The following ANKRD30BL variants were observed in gnomAD, a reference collection of about 807,000 sequenced individuals.
ANKRD30BL encodes the protein putative ankyrin repeat domain-containing protein 30B-like.
A neutral mutation model predicts 18.4 loss-of-function variants in ANKRD30BL; 20 were observed. The observed-to-expected ratio is 1.09, with a 90% CI of 0.77 to 1.58. The LOEUF (loss-of-function observed/expected upper bound fraction) is 1.58. Ranked by LOEUF, ANKRD30BL falls within the 40% of genes most tolerant of loss-of-function variation. The pLI is 0.00. For synonymous variants in ANKRD30BL, 72 were observed against 100.9 expected (o/e 0.71, Z 1.72); for missense variants, 224 against 268.6 (o/e 0.83, Z 1.16).
intron 1 of ANKRD30BL, among the ~76,000 whole-genome samples, chr2:132,203,793 T>A (rs1679156333): frequency 6.6e-6 from 1 of 152,132 alleles, no homozygotes; most frequent in Non-Finnish European, 1.5e-5. Flanking sequence ...ATAATTAATA[T>A]GTAATTTACC....
intron 1 of ANKRD30BL, among the ~76,000 whole-genome samples, chr2:132,219,909 G>T (rs1393133812): frequency 4.0e-5 from 6 of 151,654 alleles, no homozygotes; most frequent in African/African-American, 9.7e-5. Flanking sequence ...CCTTTCTTTT[G>T]ATAGAGAAGG....
chr2:132,147,750 A>G lies in ANKRD30BL; in HGVS notation c.*381T>C, dbSNP rs1239684786. 4.5e-6 allele frequency: 1 copy of G among 220,598 alleles called. No individual in the cohort carries two copies. Among genetic ancestry groups the G allele is most frequent in the East Asian group, 9.5e-5 (1 of 10,558 alleles). The allele number at this position is 220,598 out of a possible 1,614,324, so 13.7% of individuals were successfully genotyped here. ...CCTATTGGATAGGGTTGGACTGCACACTCTAAGCCAATTCAGATTGGCTAT... is the reference window on the plus strand; with the variant it reads ...CCTATTGGATAGGGTTGGACTGCACGCTCTAAGCCAATTCAGATTGGCTAT... On this transcript the variant is annotated 3_prime_UTR_variant, in exon 6 of 6. Transcript: ENST00000409867.
At chr2:132,153,353 G>T (rs1301609203) in intron 4 of ANKRD30BL, among the ~76,000 whole-genome samples, 1 of 152,132 alleles carries the variant, frequency 6.6e-6, no homozygotes, top group Non-Finnish European at 1.5e-5. Flanking sequence ...TTTATCCCAT[G>T]CATAGGGGTT....
At chr2:132,252,746 C>T (rs35362333) in intron 1 of ANKRD30BL, among the ~76,000 whole-genome samples, 13 of 152,150 alleles carry the variant, frequency 8.5e-5, no homozygotes, top group Middle Eastern at 3.4e-3. Context: ...CCCCCACCAC[C>T]GACGACGTGA....
chr2:132,149,176 T>A (rs1468999875), intron 5 of ANKRD30BL, among the ~76,000 whole-genome samples: 1 of 152,212 alleles, frequency 6.6e-6, no homozygotes, highest in Non-Finnish European at 1.5e-5. Flanking sequence ...ATGTATTGTG[T>A]CACATTTAGG....
chr2:132,192,293 C>T (rs1460470538), intron 1 of ANKRD30BL, among the ~76,000 whole-genome samples: 2 of 152,054 alleles, frequency 1.3e-5, no homozygotes, highest in Non-Finnish European at 2.9e-5. Context: ...TGTGAACAGC[C>T]CTGCAGCTTG....
intron 1 of ANKRD30BL, among the ~76,000 whole-genome samples, chr2:132,213,022 T>C (rs1319158752): frequency 6.6e-6 from 1 of 151,968 alleles, no homozygotes; most frequent in Non-Finnish European, 1.5e-5. Flanking sequence ...AACTTCTTCA[T>C]GATGTATGCA....
At chr2:132,232,059 TC>T (rs1345738265) in intron 1 of ANKRD30BL, among the ~76,000 whole-genome samples, 1 of 152,088 alleles carries the variant, frequency 6.6e-6, no homozygotes, top group African/African-American at 2.4e-5. Context: ...TGGGAGGCAC[TC>T]CCCAGCAGGG....
chr2:132,174,941 C>T (rs1688336316), intron 1 of ANKRD30BL, among the ~76,000 whole-genome samples: 1 of 152,196 alleles, frequency 6.6e-6, no homozygotes, highest in South Asian at 2.1e-4. Context: ...TGTAAATTGA[C>T]TTGCTATCCT....
At chr2:132,237,494 T>G (rs894599925) in intron 1 of ANKRD30BL, among the ~76,000 whole-genome samples, 2 of 152,072 alleles carry the variant, frequency 1.3e-5, no homozygotes, top group Non-Finnish European at 2.9e-5. Context: ...ATTTGTGATG[T>G]GTGCATTCAG....
At chr2:132,205,382 G>A (rs1829264) in intron 1 of ANKRD30BL, among the ~76,000 whole-genome samples, 5 of 144,704 alleles carry the variant, frequency 3.5e-5, no homozygotes, top group African/African-American at 8.7e-5. Flanking sequence ...AGGCCGAGGC[G>A]GGCGGATCAC....
At position 132,161,602 on chromosome 2, in the gene ANKRD30BL, T is replaced by C. The variant is rs768582637; in HGVS notation, c.104A>G (p.His35Arg). Residue 35 changes from histidine to arginine, a missense_variant, in exon 1 of 6, where the codon CAC becomes CGC. Around this residue, in one of 3 missense-constraint regions of ANKRD30BL, gnomAD observed 131 missense variants for 128.8 expected, o/e 1.02. Transcript: ENST00000409867. ...VYTNNDSYVI[H>R]HGDLRKIHKA... ...GTGGATCTTCCTGAGATCCCCATGG[T>C]GAATCACGTAAGAGTCGTTGTTGGT... 1.2e-5 allele frequency: 18 copies of C among 1,453,540 alleles called. No homozygotes were observed. The highest frequency in any genetic ancestry group is 1.6e-5 in the Non-Finnish European group (17 of 1,060,638). The allele number at this position is 1,453,540 out of a possible 1,614,324, so 90.0% of individuals were successfully genotyped here.
intron 1 of ANKRD30BL, among the ~76,000 whole-genome samples, chr2:132,191,585 T>C (rs1221993455): frequency 6.6e-6 from 1 of 152,296 alleles, no homozygotes; most frequent in Non-Finnish European, 1.5e-5. Flanking sequence ...TGCAGTGTTA[T>C]TGCATTTTGA....
intron 1 of ANKRD30BL, among the ~76,000 whole-genome samples, chr2:132,235,050 G>C (rs941239301): frequency 6.6e-6 from 1 of 152,112 alleles, no homozygotes; most frequent in African/African-American, 2.4e-5. Context: ...ATCAATAAAT[G>C]TAATCCAGCA....
chr2:132,153,746 G>A (rs1326689402), intron 4 of ANKRD30BL: 14 of 837,980 alleles, frequency 1.7e-5, no homozygotes, highest in Non-Finnish European at 2.5e-5. Flanking sequence ...AATTTAATAT[G>A]TGCCTGTCAG....
At chr2:132,159,243 C>T (rs1029570350) in intron 1 of ANKRD30BL, among the ~76,000 whole-genome samples, 12 of 152,072 alleles carry the variant, frequency 7.9e-5, no homozygotes, top group Non-Finnish European at 1.5e-4. Context: ...TCAGTGGTCA[C>T]ATATTATCCC....
intron 4 of ANKRD30BL, among the ~76,000 whole-genome samples, chr2:132,151,265 T>C (rs1378937400): frequency 6.6e-6 from 1 of 152,192 alleles, no homozygotes; most frequent in Admixed American, 6.5e-5. Context: ...AGTCCTAGCA[T>C]GGCTACCAAC....
At position 132,147,720 on chromosome 2, in the gene ANKRD30BL, T is replaced by C; in HGVS notation, c.*411A>G. 5.9e-6 allele frequency: 1 copy of C among 169,032 alleles called. No homozygotes were observed. Among genetic ancestry groups the C allele is most frequent in the Non-Finnish European group, 1.3e-5 (1 of 77,182 alleles). The allele number at this position is 169,032 out of a possible 1,614,324, so 10.5% of individuals were successfully genotyped here. On this transcript the variant is annotated 3_prime_UTR_variant, in exon 6 of 6. Transcript: ENST00000409867. ...CGCAGCTAGTCCCTACTGTTGTGTCTTTTCCCTATTGGATAGGGTTGGACT... is the reference window on the plus strand; with the variant it reads ...CGCAGCTAGTCCCTACTGTTGTGTCCTTTCCCTATTGGATAGGGTTGGACT...
intron 1 of ANKRD30BL, among the ~76,000 whole-genome samples, chr2:132,178,947 G>A (rs199825655): frequency 1.3e-5 from 2 of 151,418 alleles, no homozygotes; most frequent in African/African-American, 2.4e-5. Flanking sequence ...GAATGGTGAT[G>A]CATTTTGCAG....
Sources: allele counts gnomAD v4.1 joint callset (sites outside exome capture counted in the v4.1 genomes callset), GRCh38; gene constraint gnomAD v4.1.1; regional missense constraint gnomAD v4.1.1; transcripts MANE v1.5; gene names NCBI Gene and HGNC (gene_info 2026-07-23, HGNC 2026-07-21).